KAT2B: variants seen among roughly 807,000 people sequenced by gnomAD.
KAT2B encodes lysine acetyltransferase 2B, also known as histone acetyltransferase KAT2B.
KAT2B carries 36 observed loss-of-function variants against 105.9 expected under a neutral mutation model. The ratio of observed to expected loss-of-function variants is 0.34; its 90% confidence interval spans 0.26 to 0.45. The LOEUF (loss-of-function observed/expected upper bound fraction) is 0.45, where lower values mean the gene tolerates loss of function less well. Ranked by LOEUF, KAT2B falls within the 20% of genes least tolerant of loss-of-function variation. The probability of loss-of-function intolerance (pLI) is 1.00; values close to 1 mark genes in which losing one functional copy is unlikely to be tolerated. For missense variants in KAT2B, 820 were observed against 1,021.6 expected (o/e 0.80, Z 2.69); for synonymous variants, 397 against 377.9 (o/e 1.05, Z -0.59).
intron 2 of KAT2B, among the ~76,000 whole-genome samples, chr3:20,077,219 G>C (rs1269387642): frequency 6.6e-6 from 1 of 152,204 alleles, no homozygotes; most frequent in Non-Finnish European, 1.5e-5. Context: ...GTTTGTGCCT[G>C]TAATGGCAGC....
chr3:20,045,893 G>A (rs1200316104), intron 1 of KAT2B, among the ~76,000 whole-genome samples: 1 of 152,174 alleles, frequency 6.6e-6, no homozygotes, highest in Non-Finnish European at 1.5e-5. Context: ...ATGGTGTCTT[G>A]CCCATGGCAA....
At chr3:20,124,488 C>T (rs1699364041) in intron 9 of KAT2B, among the ~76,000 whole-genome samples, 1 of 152,034 alleles carries the variant, frequency 6.6e-6, no homozygotes. Flanking sequence ...ACTAACTGAG[C>T]AATAACTCAT....
intron 5 of KAT2B, among the ~76,000 whole-genome samples, chr3:20,111,189 A>G (rs1699114654): frequency 1.3e-5 from 2 of 152,246 alleles, no homozygotes; most frequent in South Asian, 4.1e-4. Context: ...CATTTTATAT[A>G]CAGTATTTCA....
At chr3:20,071,252 C>T (rs1428851890) in intron 1 of KAT2B, among the ~76,000 whole-genome samples, 2 of 152,132 alleles carry the variant, frequency 1.3e-5, no homozygotes, top group African/African-American at 4.8e-5. Flanking sequence ...TGCTCAATAG[C>T]CACATGTGGC....
chr3:20,091,704 G>A (rs1053616357), intron 2 of KAT2B, among the ~76,000 whole-genome samples: 1 of 151,960 alleles, frequency 6.6e-6, no homozygotes, highest in Non-Finnish European at 1.5e-5. Context: ...ACTTCTGTTT[G>A]TCTTAAGATA....
chr3:20,078,538 A>C (rs1698460687), intron 2 of KAT2B, among the ~76,000 whole-genome samples: 1 of 150,468 alleles, frequency 6.6e-6, no homozygotes, highest in Non-Finnish European at 1.5e-5. Flanking sequence ...ATGCCCAGCT[A>C]ATTTTTTTTT....
intron 12 of KAT2B, among the ~76,000 whole-genome samples, chr3:20,139,256 A>G (rs942677238): frequency 6.6e-6 from 1 of 152,100 alleles, no homozygotes; most frequent in Non-Finnish European, 1.5e-5. Flanking sequence ...TGTAATTAGA[A>G]AGCTTTTTGT....
Position 20,126,176 on chromosome 3 carries a change from G to T in KAT2B, c.1622+63G>T, listed in dbSNP as rs1699400442. 3 of 1,375,414 alleles carry T rather than the reference G, an allele frequency of 2.2e-6. No individual in the cohort carries two copies. The Admixed American group carries it at 6.0e-5, about 28-fold the overall frequency. 85.2% of individuals were successfully genotyped at this position (1,375,414 alleles called of 1,614,324 possible). A position where few individuals can be genotyped will look rare whatever the true frequency, so the allele number is the denominator to read the frequency against. On this transcript the variant is annotated intron_variant, in intron 10 of 17. Transcript: ENST00000263754. Reference sequence around the variant, plus strand: ...TTTTAAATGAAAGAGGAACTGCTTAGATAGTGAAAGTCAGCCATAGTCATC... The same window carrying T: ...TTTTAAATGAAAGAGGAACTGCTTATATAGTGAAAGTCAGCCATAGTCATC...
chr3:20,044,078 AAAAG>A (rs1264269325), intron 1 of KAT2B, among the ~76,000 whole-genome samples: 1 of 152,008 alleles, frequency 6.6e-6, no homozygotes, highest in Non-Finnish European at 1.5e-5. Context: ...AGAAAAAAAA[AAAAG>A]AAAAAAGAAA....
At chr3:20,062,574 G>A (rs1354745241) in intron 1 of KAT2B, among the ~76,000 whole-genome samples, 1 of 150,144 alleles carries the variant, frequency 6.7e-6, no homozygotes, top group Non-Finnish European at 1.5e-5. Context: ...CGATTCTCTT[G>A]CCTCAGCTTC....
intron 1 of KAT2B, among the ~76,000 whole-genome samples, chr3:20,041,437 G>C (rs1365972585): frequency 6.6e-6 from 1 of 152,232 alleles, no homozygotes; most frequent in Non-Finnish European, 1.5e-5. Flanking sequence ...TGTCCCAGCT[G>C]CTCGAGGTGT....
chr3:20,043,363 A>T (rs1221280825), intron 1 of KAT2B, among the ~76,000 whole-genome samples: 2 of 152,164 alleles, frequency 1.3e-5, no homozygotes, highest in African/African-American at 2.4e-5. Context: ...GTGTGTATGC[A>T]TGTGTTGGGG....
At chr3:20,126,259 T>A (rs2125178983) in intron 10 of KAT2B, 146 bp downstream of exon 10, 1 of 675,538 alleles carries the variant, frequency 1.5e-6, no homozygotes, top group South Asian at 1.9e-5. Flanking sequence ...AAGCTGATTT[T>A]CATGTCTGAA....
intron 1 of KAT2B, among the ~76,000 whole-genome samples, chr3:20,058,633 A>G (rs1422001041): frequency 6.6e-6 from 1 of 152,000 alleles, no homozygotes; most frequent in African/African-American, 2.4e-5. Context: ...TCAGATTTTT[A>G]AAGTTCCCAT....
intron 1 of KAT2B, among the ~76,000 whole-genome samples, chr3:20,071,647 A>G (rs1333414021): frequency 6.6e-6 from 1 of 152,216 alleles, no homozygotes; most frequent in Non-Finnish European, 1.5e-5. Flanking sequence ...GGAAGTGTGA[A>G]GAGTATGTGG....
At chr3:20,060,236 G>A (rs1698076365) in intron 1 of KAT2B, among the ~76,000 whole-genome samples, 1 of 152,184 alleles carries the variant, frequency 6.6e-6, no homozygotes, top group African/African-American at 2.4e-5. Flanking sequence ...TTTCTCTTGG[G>A]TAGATACTTA....
intron 5 of KAT2B, among the ~76,000 whole-genome samples, chr3:20,108,854 G>A (rs1418286830): frequency 6.6e-6 from 1 of 152,178 alleles, no homozygotes; most frequent in African/African-American, 2.4e-5. Context: ...GCATGTGAGG[G>A]ATCTAAGCTG....
At chr3:20,092,672 A>G (rs2125194073) in intron 2 of KAT2B, among the ~76,000 whole-genome samples, 1 of 151,906 alleles carries the variant, frequency 6.6e-6, no homozygotes, top group East Asian at 1.9e-4. Context: ...ATCATTATAT[A>G]ATGCCCTTTT....
At chr3:20,141,421 C>A (rs940292912) in intron 13 of KAT2B, among the ~76,000 whole-genome samples, 1 of 151,994 alleles carries the variant, frequency 6.6e-6, no homozygotes, top group Non-Finnish European at 1.5e-5. Flanking sequence ...TACACAAAGG[C>A]CATTTATTGA....
Sources: allele counts gnomAD v4.1 joint callset (sites outside exome capture counted in the v4.1 genomes callset), GRCh38; gene constraint gnomAD v4.1.1; transcripts MANE v1.5; gene names NCBI Gene and HGNC (gene_info 2026-07-23, HGNC 2026-07-21).